The following EP300 variants were observed in gnomAD, a reference collection of about 807,000 sequenced individuals.
The protein encoded by EP300 is EP300 lysine acetyltransferase.
In EP300, 31 loss-of-function variants were observed where a neutral mutation model predicts 264.0. The ratio of observed to expected loss-of-function variants is 0.12; its 90% CI spans 0.09 to 0.16. The LOEUF (loss-of-function observed/expected upper bound fraction) is 0.16. EP300 is among the 10% of genes least tolerant of loss of function. The probability of loss-of-function intolerance (pLI) is 1.00; values close to 1 mark genes in which losing one functional copy is unlikely to be tolerated. For synonymous variants in EP300, 1,340 were observed against 1,045.4 expected (o/e 1.28, Z -5.44); for missense variants, 2,766 against 3,052.9 (o/e 0.91, Z 2.21).
chr22:41,159,776 G>A (rs1170705076), intron 19 of EP300: 1 of 152,412 alleles, frequency 6.6e-6, no homozygotes, highest in Non-Finnish European at 1.5e-5. Context: ...CCGGGTTCAA[G>A]CGATTCTCCT....
Position 41,135,896 on chromosome 22 carries a change from A to C in EP300, c.1612A>C (p.Asn538His). 2 of 1,613,666 alleles carry C rather than the reference A, an allele frequency of 1.2e-6. 1 individual carries two copies. The highest frequency in any genetic ancestry group is 4.5e-5 in the East Asian group (2 of 44,872). Residue 538 changes from asparagine (N) to histidine (H), a missense_variant, in exon 7 of 31, where the codon AAT becomes CAT. Coordinates refer to ENST00000263253, the MANE Select transcript of EP300 (RefSeq NM_001429.4). ...TGACTCAATGTTGCATTCAGCCATA[A>C]ATTCTCAAAAGTAAGTCTTAACGTG... The part of the protein sequence containing the change: ...LSDSMLHSAI[N>H]SQNPMMSENA...
chr22:41,124,675 A>G (rs2058870703), intron 2 of EP300, among the ~76,000 whole-genome samples: 1 of 152,148 alleles, frequency 6.6e-6, no homozygotes, highest in African/African-American at 2.4e-5. Flanking sequence ...AAACATTCAA[A>G]TGCTTGAACA....
At chr22:41,115,189 A>G (rs1378361826) in intron 1 of EP300, among the ~76,000 whole-genome samples, 2 of 152,310 alleles carry the variant, frequency 1.3e-5, no homozygotes, top group East Asian at 3.9e-4. Context: ...AATACTGTCA[A>G]TAGGTCAATC....
Position 41,117,657 on chromosome 22 carries a change from A to G in EP300, c.565A>G (p.Asn189Asp). ...AGGCAATGGACAAGGGATAATGCCT[A>G]ATCAAGTCATGAACGGTTCAATTGG... ...AAGNGQGIMP[N>D]QVMNGSIGAG... Residue 189 changes from asparagine to aspartate, a missense_variant, in exon 2 of 31, where the codon AAT becomes GAT. Physicochemically the swap from Asn to Asp is conservative, Grantham distance 23 (BLOSUM62 1). Coordinates refer to ENST00000263253, the MANE Select transcript of EP300 (RefSeq NM_001429.4). 6.2e-7 allele frequency: 1 copy of G among 1,614,238 alleles called. No individual in the cohort carries two copies. The highest frequency in any genetic ancestry group is 8.5e-7 in the Non-Finnish European group (1 of 1,180,048).
intron 1 of EP300, among the ~76,000 whole-genome samples, chr22:41,097,045 C>G (rs949676190): frequency 6.6e-6 from 1 of 152,134 alleles, no homozygotes; most frequent in African/African-American, 2.4e-5. Flanking sequence ...TTTATTTTGG[C>G]TTGAATGTTT....
chr22:41,174,723 CAT>C (rs2059190412), intron 29 of EP300: 1 of 151,932 alleles, frequency 6.6e-6, no homozygotes, highest in Non-Finnish European at 1.5e-5. Context: ...GGTTCTCAGA[CAT>C]ATAATCAAGT....
rs536179572 is a variant in EP300, at chr22:41,108,819, TC to T, written c.95-8366del. Among the ~76,000 whole-genome samples, 28 of 152,344 alleles carry T rather than the reference TC, an allele frequency of 1.8e-4. 1 individual carries two copies. In the South Asian group the frequency reaches 5.8e-3, roughly 32 times the overall value. On this transcript the variant is annotated intron_variant, in intron 1 of 30. Transcript: ENST00000263253. ...CGGGAAATGTCTTACTGGAGATAGT[TC>T]CTTCATTTCAACAGTCATTTGTGAT...
chr22:41,116,639 T>G (rs572603105), intron 1 of EP300, among the ~76,000 whole-genome samples: 1 of 152,288 alleles, frequency 6.6e-6, no homozygotes, highest in East Asian at 1.9e-4. Context: ...TTCAATCCCT[T>G]TTTTCCTTGG....
At chr22:41,126,964 G>A (rs1299515654) in intron 3 of EP300, among the ~76,000 whole-genome samples, 2 of 151,734 alleles carry the variant, frequency 1.3e-5, no homozygotes, top group African/African-American at 2.4e-5. Context: ...GGCTGATCTC[G>A]AACTCCCGAC....
In EP300 at chr22:41,162,739, C is replaced by G. The variant is rs746090478; in HGVS notation, c.3688C>G (p.Gln1230Glu). The G allele has an allele frequency of 6.2e-7, 1 of 1,612,312 alleles. No individual in the cohort carries two copies. ...TCTCCTTAGTACAATAAATAAAGAACAATTTTCCAAGAGAAAAAATGACAC... is the reference window on the plus strand; with the variant it reads ...TCTCCTTAGTACAATAAATAAAGAAGAATTTTCCAAGAGAAAAAATGACAC... ...SQPQTTINKE[Q>E]FSKRKNDTLD... The change falls in exon 21 of 31, where the codon CAA becomes GAA. Residue 1230 changes from glutamine to glutamate, a missense_variant. Physicochemically the swap from Gln to Glu is conservative, Grantham distance 29. Transcript: ENST00000263253.
chr22:41,178,090 A>G lies in EP300; in HGVS notation c.6379A>G (p.Asn2127Asp). 1 of 1,614,052 alleles carries G rather than the reference A, an allele frequency of 6.2e-7. No homozygotes were observed. The highest frequency in any genetic ancestry group is 1.1e-5 in the South Asian group (1 of 91,068). ...TMPGQQGVHS[N>D]PAMQNMNPMQ... The stretch of plus-strand genomic sequence containing the variant: ...GCCAGGTCAGCAGGGGGTCCACTCC[A>G]ATCCAGCCATGCAGAACATGAATCC... The change falls in exon 31 of 31, where the codon AAT becomes GAT. Residue 2127 changes from asparagine to aspartate, a missense_variant. Transcript: ENST00000263253.
At chr22:41,148,436 A>G (rs1569106639) in intron 12 of EP300, among the ~76,000 whole-genome samples, 1 of 152,122 alleles carries the variant, frequency 6.6e-6, no homozygotes. Flanking sequence ...TGCCATTTTC[A>G]ACAGGGAGTT....
rs2059022038 is a variant in EP300, at chr22:41,147,964, GGTAATCTCTTT to G, written c.2241+20_2241+30del. ...TCAACCCGGTTAGTTTGACGTCTTTGGTAATCTCTTTGGCCTTTACCTGGTATTTTGAAAAT... is the reference window on the plus strand; with the variant it reads ...TCAACCCGGTTAGTTTGACGTCTTTGGGCCTTTACCTGGTATTTTGAAAAT... On this transcript the variant is annotated intron_variant, in intron 12 of 30. Coordinates refer to ENST00000263253, the MANE Select transcript of EP300 (RefSeq NM_001429.4). 2 of 1,556,342 alleles carry G rather than the reference GGTAATCTCTTT, an allele frequency of 1.3e-6. No individual in the cohort carries two copies. Among genetic ancestry groups the G allele is most frequent in the South Asian group, 2.3e-5 (2 of 87,040 alleles).
intron 27 of EP300, among the ~76,000 whole-genome samples, chr22:41,172,180 G>C (rs1294616082): frequency 6.6e-6 from 1 of 152,194 alleles, no homozygotes; most frequent in Non-Finnish European, 1.5e-5. Flanking sequence ...AGGAGTGGTA[G>C]GGGCCATGGC....
chr22:41,107,364 T>C (rs1428725594), intron 1 of EP300, among the ~76,000 whole-genome samples: 2 of 151,898 alleles, frequency 1.3e-5, no homozygotes, highest in Non-Finnish European at 2.9e-5. Context: ...TTTTACTTCA[T>C]TTTACCTAAA....
chr22:41,128,460 C>CAA (rs200596527), intron 4 of EP300, among the ~76,000 whole-genome samples: 48 of 144,210 alleles, frequency 3.3e-4, no homozygotes, highest in African/African-American at 1.2e-3. Flanking sequence ...AACCCTGTTT[C>CAA]AAAAAAAAAA....
intron 1 of EP300, among the ~76,000 whole-genome samples, chr22:41,104,773 A>G (rs1279039703): frequency 6.6e-6 from 1 of 152,052 alleles, no homozygotes; most frequent in Non-Finnish European, 1.5e-5. Context: ...TAATCCCAGC[A>G]CTTTGGGAGG....
At chr22:41,151,343 A>C (rs2059043855) in intron 14 of EP300, among the ~76,000 whole-genome samples, 1 of 152,208 alleles carries the variant, frequency 6.6e-6, no homozygotes, top group Non-Finnish European at 1.5e-5. Flanking sequence ...TCTTATGACA[A>C]GCCTTAGGAT....
intron 4 of EP300, among the ~76,000 whole-genome samples, chr22:41,129,257 C>T (rs915467484): frequency 1.3e-5 from 2 of 152,186 alleles, no homozygotes; most frequent in South Asian, 2.1e-4. Flanking sequence ...GTGATCCGCC[C>T]GCCTCGGCCT....
Sources: allele counts gnomAD v4.1 joint callset (sites outside exome capture counted in the v4.1 genomes callset), GRCh38; gene constraint gnomAD v4.1.1; transcripts MANE v1.5; gene names NCBI Gene and HGNC (gene_info 2026-07-23, HGNC 2026-07-21).